Variants in INHBA observed in about 807,000 individuals in gnomAD.
INHBA encodes inhibin subunit beta A.
In INHBA, 1 loss-of-function variant was observed where a neutral mutation model predicts 29.0. The observed-to-expected ratio is 0.03, with a 90% CI of 0.01 to 0.16. INHBA has a LOEUF of 0.16. Among genes scored for constraint, INHBA ranks in the 10% least tolerant of loss-of-function variants. INHBA has a pLI of 1.00. For missense variants in INHBA, 376 were observed against 545.4 expected, an observed-to-expected ratio of 0.69 and a Z score of 3.09; for synonymous variants, 242 against 216.8, an observed-to-expected ratio of 1.12 and a Z score of -1.02.
At chr7:41,698,187 T>G (rs534951325) in intron 2 of INHBA, among the ~76,000 whole-genome samples, 47 of 152,310 alleles carry the variant, frequency 3.1e-4, no homozygotes, top group African/African-American at 1.1e-3. Flanking sequence ...AATGGTCAAA[T>G]TTTTTCACTG....
chr7:41,693,603 A>G (rs1461117717), intron 2 of INHBA, among the ~76,000 whole-genome samples: 2 of 152,300 alleles, frequency 1.3e-5, no homozygotes, highest in Admixed American at 1.3e-4. Context: ...ACTTGGAAGC[A>G]AATGATTTAG....
Position 41,700,237 on chromosome 7 carries a change from A to G in INHBA, c.138T>C (p.Asp46=). 6.2e-7 allele frequency: 1 copy of G among 1,612,450 alleles called. No homozygotes were observed. The highest frequency in any genetic ancestry group is 8.5e-7 in the Non-Finnish European group (1 of 1,178,850). ...CCATCTCTGGCTGAGAGTTGGGTAC[A>G]TCCTTTGGGAGGGCGGCCAGCGCAC... is the stretch of plus-strand genomic sequence containing the variant. ...PSCALAALPK[D]VPNSQPEMVE... Residue 46 remains aspartate (D), a synonymous_variant, in exon 2 of 3, where the codon GAT becomes GAC. Transcript: ENST00000242208.
In INHBA at chr7:41,689,473, C is replaced by T; in HGVS notation, c.*177G>A. ...GGCTAAGGATTTTTTCCACATCTTC[C>T]TTCATCTGTTTCATCAGGTTTTGTT... On this transcript the variant is annotated 3_prime_UTR_variant, in exon 3 of 3. Coordinates refer to ENST00000242208, the MANE Select transcript of INHBA (RefSeq NM_002192.4). 1 of 582,532 alleles carries T rather than the reference C, an allele frequency of 1.7e-6. No individual in the cohort carries two copies. Among genetic ancestry groups the T allele is most frequent in the Non-Finnish European group, 2.8e-6 (1 of 361,980 alleles). 36.1% of individuals were successfully genotyped at this position (582,532 alleles called of 1,614,324 possible).
Position 41,700,455 on chromosome 7 carries a change from G to A in INHBA, c.-81C>T. 1 of 1,247,474 alleles carries A rather than the reference G, an allele frequency of 8.0e-7. No individual in the cohort carries two copies. Among genetic ancestry groups the A allele is most frequent in the South Asian group, 2.4e-5 (1 of 41,408 alleles). The allele number at this position is 1,247,474 out of a possible 1,614,324, so 77.3% of individuals were successfully genotyped here. On this transcript the variant is annotated 5_prime_UTR_variant, in exon 2 of 3. Transcript: ENST00000242208. ...CCCTCACGCGCAGGTTTTTTTGTGT[G>A]TGTGGATTTTTTTATTTTTTTTTTT...
At position 41,689,453 on chromosome 7, in the gene INHBA, A is replaced by T. The variant is rs1003525163; in HGVS notation, c.*197T>A. The T allele has an allele frequency of 1.9e-6, 1 of 526,072 alleles. No homozygotes were observed. Among genetic ancestry groups the T allele is most frequent in the African/African-American group, 2.0e-5 (1 of 50,374 alleles). 32.6% of individuals were successfully genotyped at this position (526,072 alleles called of 1,614,324 possible). A position where few individuals can be genotyped will look rare whatever the true frequency, so the allele number is the denominator to read the frequency against. ...CTGCTTCATCTCTGAGCCCTGGCTA[A>T]GGATTTTTTCCACATCTTCCTTCAT... On this transcript the variant is annotated 3_prime_UTR_variant, in exon 3 of 3. Coordinates refer to ENST00000242208, the MANE Select transcript of INHBA (RefSeq NM_002192.4).
At chr7:41,704,062 C>A (rs1182268188), upstream of INHBA, among the ~76,000 whole-genome samples, 1 of 152,076 alleles carries the variant, frequency 6.6e-6, no homozygotes. Context: ...GTTCTCATGA[C>A]AAGTTGGATA....
intron 2 of INHBA, among the ~76,000 whole-genome samples, chr7:41,698,979 G>T (rs1280898525): frequency 6.6e-6 from 1 of 152,206 alleles, no homozygotes; most frequent in Non-Finnish European, 1.5e-5. Flanking sequence ...GCATTACCAT[G>T]AAAGTAACAC....
intron 2 of INHBA, 42 bp from the exon 3 acceptor site, chr7:41,690,584 T>C: frequency 1.3e-6 from 2 of 1,505,422 alleles, no homozygotes; most frequent in Non-Finnish European, 1.8e-6. Flanking sequence ...GGCACACCTG[T>C]TAATTCCAAC....
At position 41,700,282 on chromosome 7, in the gene INHBA, C is replaced by G. The variant is rs145503621; in HGVS notation, c.93G>C (p.Ala31=). ...GCGCACAGGACGGACAGTCGGGGGCCGCGCTGTGCCCCTCGGATCCTGGGG... is the reference window on the plus strand; with the variant it reads ...GCGCACAGGACGGACAGTCGGGGGCGGCGCTGTGCCCCTCGGATCCTGGGG... ...SPTPGSEGHS[A]APDCPSCALA... Residue 31 remains alanine (A), a synonymous_variant, in exon 2 of 3, where the codon GCG becomes GCC. Coordinates refer to ENST00000242208, the MANE Select transcript of INHBA (RefSeq NM_002192.4). The G allele has an allele frequency of 6.3e-7, 1 of 1,595,068 alleles. No homozygotes were observed. Among genetic ancestry groups the G allele is most frequent in the East Asian group, 2.2e-5 (1 of 44,576 alleles).
At chr7:41,704,844 G>A (rs936506110), upstream of INHBA, among the ~76,000 whole-genome samples, 3 of 152,078 alleles carry the variant, frequency 2.0e-5, no homozygotes, top group Admixed American at 1.3e-4. Context: ...TGAGAAGCCT[G>A]GTGGCTGTTC....
intron 2 of INHBA, among the ~76,000 whole-genome samples, chr7:41,698,459 C>G (rs1438608410): frequency 6.6e-6 from 1 of 152,070 alleles, no homozygotes; most frequent in Non-Finnish European, 1.5e-5. Flanking sequence ...TAAATATTTT[C>G]TTTTTTACCT....
intron 1 of INHBA, among the ~76,000 whole-genome samples, chr7:41,701,206 G>A (rs954564383): frequency 2.0e-5 from 3 of 151,936 alleles, no homozygotes; most frequent in African/African-American, 7.3e-5. Context: ...GATTGAAAAA[G>A]TGTTCCCACC....
intron 1 of INHBA, among the ~76,000 whole-genome samples, chr7:41,700,841 A>AAGAGAG (rs3030163): frequency 0.028 from 2,217 of 79,088 alleles, 73 homozygotes; most frequent in East Asian, 0.073. Context: ...GAGGGAAAGG[A>AAGAGAG]AGAGAGAGAG....
At chr7:41,701,915 T>A (rs539309521) in intron 1 of INHBA, among the ~76,000 whole-genome samples, 1 of 152,346 alleles carries the variant, frequency 6.6e-6, no homozygotes, top group South Asian at 2.1e-4. Context: ...TGGATTTTAG[T>A]GTGCACAGAA....
upstream of INHBA, among the ~76,000 whole-genome samples, chr7:41,704,234 C>A (rs560123373): frequency 7.9e-5 from 12 of 151,618 alleles, no homozygotes; most frequent in Non-Finnish European, 1.6e-4. Context: ...ATTAGGACAC[C>A]AGAAGTTTTC....
Position 41,693,895 on chromosome 7 carries a change from C to T in INHBA, c.389-3353G>A, listed in dbSNP as rs557032698. 6 of 152,336 alleles carry T rather than the reference C, an allele frequency of 3.9e-5. No individual in the cohort carries two copies. In the South Asian group the frequency reaches 1.2e-3, roughly 32 times the overall value. 9.4% of individuals were successfully genotyped at this position (152,336 alleles called of 1,614,324 possible). On this transcript the variant is annotated intron_variant, in intron 2 of 2. Transcript: ENST00000242208. ...TATTTCTGACATTTGGATTTTCCCC[C>T]TACTAATTGACATGCCTGTCGCCTC...
In INHBA at chr7:41,700,475, T is replaced by A. The variant is rs759102707; in HGVS notation, c.-101A>T. On this transcript the variant is annotated 5_prime_UTR_variant, in exon 2 of 3. Coordinates refer to ENST00000242208, the MANE Select transcript of INHBA (RefSeq NM_002192.4). ...TGTGTGTGTGGATTTTTTTATTTTT[T>A]TTTTTGGTGTTTTTTTTTTCCTTCT... is the stretch of plus-strand genomic sequence containing the variant. 608 of 1,180,400 alleles carry A rather than the reference T, an allele frequency of 5.2e-4. No homozygotes were observed. Among genetic ancestry groups the A allele is most frequent in the Admixed American group, 1.2e-3 (40 of 34,628 alleles). The allele number at this position is 1,180,400 out of a possible 1,614,324, so 73.1% of individuals were successfully genotyped here.
chr7:41,703,543 T>C (rs1794842441), upstream of INHBA, among the ~76,000 whole-genome samples: 1 of 152,194 alleles, frequency 6.6e-6, no homozygotes. Context: ...ATTCTAATTT[T>C]ATATTTTTAA....
Position 41,689,935 on chromosome 7 carries a change from G to A in INHBA, c.996C>T (p.Asp332=), listed in dbSNP as rs140936673. The change falls in exon 3 of 3, where the codon GAC becomes GAT. Residue 332 remains aspartate, a synonymous_variant. Coordinates refer to ENST00000242208, the MANE Select transcript of INHBA (RefSeq NM_002192.4). Reference sequence around the variant, plus strand: ...CAATGATCCAGTCATTCCAGCCGATGTCCTTGAAACTGACAAAGAACTGTT... The same window carrying A: ...CAATGATCCAGTCATTCCAGCCGATATCCTTGAAACTGACAAAGAACTGTT... ...CKKQFFVSFK[D]IGWNDWIIAP... 10 of 1,613,924 alleles carry A rather than the reference G, an allele frequency of 6.2e-6. No homozygotes were observed. The African/African-American group carries it at 1.2e-4, about 19-fold the overall frequency.
Sources: gnomAD v4.1 joint callset for allele counts (sites outside exome capture counted in the v4.1 genomes callset) on GRCh38, gnomAD v4.1.1 for gene constraint, MANE v1.5 for transcripts, NCBI Gene and HGNC (gene_info 2026-07-23, HGNC 2026-07-21) for gene names.